Variants in ADAMTS19 observed in about 807,000 individuals in gnomAD.
The protein encoded by ADAMTS19 is ADAM metallopeptidase with thrombospondin type 1 motif 19, also known as A disintegrin and metalloproteinase with thrombospondin motifs 19.
ADAMTS19 carries 93 observed loss-of-function variants against 153.3 expected under a neutral mutation model. The observed-to-expected ratio is 0.61, with a 90% CI of 0.51 to 0.72. ADAMTS19 has a LOEUF of 0.72. Ranked by LOEUF, ADAMTS19 falls within the 30% of genes least tolerant of loss-of-function variation. The probability of loss-of-function intolerance (pLI) is 0.00; values close to 1 mark genes in which losing one functional copy is unlikely to be tolerated. For missense variants in ADAMTS19, 1,482 were observed against 1,552.1 expected, an observed-to-expected ratio of 0.95 and a Z score of 0.76; for synonymous variants, 600 against 556.6, an observed-to-expected ratio of 1.08 and a Z score of -1.10.
rs776879793 is a variant in ADAMTS19, at chr5:129,704,231, T to A, written c.3160-8T>A. 10 of 1,610,228 alleles carry A rather than the reference T, an allele frequency of 6.2e-6. No homozygotes were observed. The Admixed American group carries it at 1.7e-4, about 27-fold the overall frequency. On this transcript the variant is annotated splice_region_variant and splice_polypyrimidine_tract_variant and intron_variant, in intron 20 of 22. Transcript: ENST00000274487. ...ACTTTATCTAAAACCTCTGATGTTA[T>A]CTTCCAGTGTTCAGTCAAGTGTGGC...
chr5:129,674,070 C>T (rs1406066746), intron 16 of ADAMTS19, among the ~76,000 whole-genome samples: 1 of 151,818 alleles, frequency 6.6e-6, no homozygotes, highest in Non-Finnish European at 1.5e-5. Context: ...GTCTCTACTA[C>T]AAATACAAAA....
intron 7 of ADAMTS19, among the ~76,000 whole-genome samples, chr5:129,587,291 T>G (rs1749857306): frequency 6.6e-6 from 1 of 152,100 alleles, no homozygotes; most frequent in Non-Finnish European, 1.5e-5. Flanking sequence ...CTTTGAGAGT[T>G]TCTGCATCTT....
rs534698230 is a variant in ADAMTS19 at position 129,496,599 on chromosome 5, C to T, written c.748-12478C>T. Among the ~76,000 whole-genome samples the T allele has an allele frequency of 6.3e-4, 96 of 152,030 alleles. 1 individual carries two copies. The highest frequency in any genetic ancestry group is 2.0e-3 in the African/African-American group (83 of 41,490). ...AACATCTCTGTCAATTGTGAGGTCA[C>T]CAGTAAGACCTGGCAGTGATGAGTG... On this transcript the variant is annotated intron_variant, in intron 2 of 22. Transcript: ENST00000274487.
At chr5:129,669,501 T>G (rs555634287) in intron 16 of ADAMTS19, among the ~76,000 whole-genome samples, 6 of 152,230 alleles carry the variant, frequency 3.9e-5, no homozygotes, top group African/African-American at 1.4e-4. Context: ...TTGTCTTTTC[T>G]TTTGTTCCCT....
intron 7 of ADAMTS19, among the ~76,000 whole-genome samples, chr5:129,591,294 CTTTT>C (rs756970201): frequency 6.9e-6 from 1 of 143,924 alleles, no homozygotes; most frequent in Non-Finnish European, 1.5e-5. Context: ...TAAAATTACA[CTTTT>C]TTTTTTTTTT....
chr5:129,614,186 T>C (rs2126961969), intron 8 of ADAMTS19, among the ~76,000 whole-genome samples: 1 of 152,296 alleles, frequency 6.6e-6, no homozygotes, highest in East Asian at 1.9e-4. Context: ...ACTCATTTTA[T>C]GAGGCCAGCA....
At chr5:129,529,958 T>C (rs1181890997) in intron 6 of ADAMTS19, among the ~76,000 whole-genome samples, 2 of 152,122 alleles carry the variant, frequency 1.3e-5, no homozygotes, top group African/African-American at 4.8e-5. Context: ...AGACAGAGCT[T>C]GGAGGTTGAA....
chr5:129,551,827 A>C, intron 6 of ADAMTS19, 37 bp from the exon 7 acceptor site: 1 of 1,388,922 alleles, frequency 7.2e-7, no homozygotes, highest in East Asian at 2.5e-5. Context: ...GTACAAAATA[A>C]TTTATCTTTA....
At chr5:129,713,758 TAAA>T (rs370266801) in intron 21 of ADAMTS19, among the ~76,000 whole-genome samples, 1 of 128,348 alleles carries the variant, frequency 7.8e-6, no homozygotes, top group Non-Finnish European at 1.7e-5. Context: ...AGACTCTATC[TAAA>T]AAAAAAAAAA....
chr5:129,603,471 C>T (rs147456391), intron 8 of ADAMTS19, among the ~76,000 whole-genome samples: 318 of 152,214 alleles, frequency 2.1e-3, no homozygotes, highest in African/African-American at 7.1e-3. Flanking sequence ...ACACATACAA[C>T]GTAGGCTTTT....
chr5:129,582,689 C>A (rs1265665224), intron 7 of ADAMTS19, among the ~76,000 whole-genome samples: 1 of 152,004 alleles, frequency 6.6e-6, no homozygotes, highest in African/African-American at 2.4e-5. Context: ...TCTCCTGCCT[C>A]AGCCTCTCGA....
At chr5:129,646,689 T>C (rs1753080250) in intron 11 of ADAMTS19, among the ~76,000 whole-genome samples, 1 of 152,184 alleles carries the variant, frequency 6.6e-6, no homozygotes, top group Admixed American at 6.5e-5. Flanking sequence ...ATTCACATTT[T>C]AGAAATGAGC....
intron 8 of ADAMTS19, among the ~76,000 whole-genome samples, chr5:129,614,690 A>G (rs1751420583): frequency 6.6e-6 from 1 of 152,124 alleles, no homozygotes. Context: ...GGCCAGGGCA[A>G]TCAGGCAGGA....
chr5:129,646,131 G>T (rs902464531), intron 11 of ADAMTS19, among the ~76,000 whole-genome samples: 28 of 151,160 alleles, frequency 1.9e-4, no homozygotes, highest in Non-Finnish European at 3.1e-4. Flanking sequence ...CTCGTGATCC[G>T]CCCGCCTCGG....
At chr5:129,474,936 T>C (rs528129825) in intron 2 of ADAMTS19, among the ~76,000 whole-genome samples, 1 of 152,316 alleles carries the variant, frequency 6.6e-6, no homozygotes, top group South Asian at 2.1e-4. Context: ...TGTTAATTAG[T>C]TTTTTTCTAC....
In ADAMTS19 at chr5:129,631,427, C is replaced by T. The variant is rs1216729555; in HGVS notation, c.1770+9079C>T. ...ATGTGTATGGATGTTCTAATAATTG[C>T]TAAAGTGGGGAATTTAAATATCCTA... On this transcript the variant is annotated intron_variant, in intron 10 of 22. Transcript: ENST00000274487. Among the ~76,000 whole-genome samples, 3 of 151,768 alleles carry T rather than the reference C, an allele frequency of 2.0e-5. No homozygotes were observed. In the East Asian group the frequency reaches 5.8e-4, roughly 29 times the overall value.
chr5:129,525,075 C>T (rs913651793), intron 3 of ADAMTS19, among the ~76,000 whole-genome samples: 2 of 152,014 alleles, frequency 1.3e-5, no homozygotes, highest in Admixed American at 1.3e-4. Context: ...TTTCTTTATC[C>T]ATATACTATT....
At chr5:129,667,788 G>A (rs1754121364) in intron 16 of ADAMTS19, among the ~76,000 whole-genome samples, 1 of 152,064 alleles carries the variant, frequency 6.6e-6, no homozygotes, top group Non-Finnish European at 1.5e-5. Context: ...AGTCCCAGGT[G>A]TTTCATGATA....
At chr5:129,675,073 A>T (rs1242454452) in intron 16 of ADAMTS19, among the ~76,000 whole-genome samples, 2 of 152,024 alleles carry the variant, frequency 1.3e-5, no homozygotes, top group Non-Finnish European at 2.9e-5. Context: ...GTGATATTTT[A>T]TCATCTTCTG....
Sources: gnomAD v4.1 joint callset for allele counts (sites outside exome capture counted in the v4.1 genomes callset) on GRCh38, gnomAD v4.1.1 for gene constraint, MANE v1.5 for transcripts, NCBI Gene and HGNC (gene_info 2026-07-23, HGNC 2026-07-21) for gene names.